The following ALMS1 variants were observed in gnomAD, a reference collection of about 807,000 sequenced individuals.
ALMS1 encodes the protein centrosome-associated protein ALMS1.
A neutral mutation model predicts 352.2 loss-of-function variants in ALMS1; 271 were observed. The ratio of observed to expected loss-of-function variants is 0.77; its 90% CI spans 0.70 to 0.85. The LOEUF (loss-of-function observed/expected upper bound fraction) is 0.85, where lower values mean the gene tolerates loss of function less well. Among genes scored for constraint, ALMS1 ranks in the 40% least tolerant of loss-of-function variants. The pLI is 0.00. For missense variants in ALMS1, 5,445 were observed against 4,870.7 expected, an observed-to-expected ratio of 1.12 and a Z score of -3.51; for synonymous variants, 1,865 against 1,761.2, an observed-to-expected ratio of 1.06 and a Z score of -1.48.
At chr2:73,472,888 T>C (rs928763407) in intron 9 of ALMS1, among the ~76,000 whole-genome samples, 1 of 152,094 alleles carries the variant, frequency 6.6e-6, no homozygotes, top group African/African-American at 2.4e-5. Context: ...GTGGCTTGTC[T>C]GTCATCACGT....
intron 2 of ALMS1, among the ~76,000 whole-genome samples, chr2:73,413,914 T>C (rs1171415685): frequency 6.6e-6 from 1 of 152,190 alleles, no homozygotes; most frequent in East Asian, 1.9e-4. Context: ...CTCATGCCAA[T>C]ATTACACTCT....
intron 1 of ALMS1, 59 bp downstream of exon 1, chr2:73,386,251 C>T: frequency 1.7e-5 from 24 of 1,422,210 alleles, no homozygotes; most frequent in Non-Finnish European, 2.2e-5. Context: ...AGGCTGGGCC[C>T]CGAGCGCTCC....
Position 73,453,148 on chromosome 2 carries a change from T to G in ALMS1, c.6621T>G (p.Asp2207Glu). 1 of 1,614,088 alleles carries G rather than the reference T, an allele frequency of 6.2e-7. No individual in the cohort carries two copies. Among genetic ancestry groups the G allele is most frequent in the South Asian group, 1.1e-5 (1 of 91,074 alleles). The change falls in exon 8 of 23, where the codon GAT becomes GAG. Residue 2207 changes from aspartate (D) to glutamate (E), a missense_variant. Coordinates refer to ENST00000613296, the MANE Select transcript of ALMS1 (RefSeq NM_001378454.1). ...CAGAACATGTCCAAAGGCTAATAGA[T>G]AATTTGAATTCTTCTGACTCCAGTG... The part of the protein sequence containing the change: ...LVSEHVQRLI[D>E]NLNSSDSSVS...
chr2:73,572,877 A>C lies in ALMS1; in HGVS notation c.11000A>C (p.Gln3667Pro). 1 of 1,614,170 alleles carries C rather than the reference A, an allele frequency of 6.2e-7. No homozygotes were observed. The change falls in exon 16 of 23, where the codon CAA (glutamine) becomes CCA (proline). Residue 3667 changes from glutamine (Q) to proline (P), a missense_variant. Gln to Pro is a moderately conservative substitution (Grantham distance 76, BLOSUM62 -1). Transcript: ENST00000613296. ...ERSVKEWSGR[Q>P]QQRNKLQKKK... Reference sequence around the variant, plus strand: ...AGTGTGAAGGAATGGAGTGGTAGACAACAGCAGAGAAATAAGCTTCAGAAA... The same window carrying C: ...AGTGTGAAGGAATGGAGTGGTAGACCACAGCAGAGAAATAAGCTTCAGAAA...
At chr2:73,418,473 T>C (rs777011169) in intron 2 of ALMS1, among the ~76,000 whole-genome samples, 1 of 152,224 alleles carries the variant, frequency 6.6e-6, no homozygotes, top group Non-Finnish European at 1.5e-5. Flanking sequence ...TTGGCCCCTC[T>C]AGCATCGCCG....
At chr2:73,536,744 T>C (rs1674037519) in intron 12 of ALMS1, among the ~76,000 whole-genome samples, 1 of 152,004 alleles carries the variant, frequency 6.6e-6, no homozygotes, top group Non-Finnish European at 1.5e-5. Context: ...ATAATAGAAC[T>C]GATGCAAACA....
chr2:73,576,655 T>G (rs929882919), intron 16 of ALMS1, among the ~76,000 whole-genome samples: 2 of 151,794 alleles, frequency 1.3e-5, no homozygotes, highest in Non-Finnish European at 1.5e-5. Context: ...AGTTTCACTC[T>G]TGTTGCCCAG....
intron 16 of ALMS1, among the ~76,000 whole-genome samples, chr2:73,592,909 G>C (rs1007889632): frequency 6.6e-6 from 1 of 152,188 alleles, no homozygotes; most frequent in Non-Finnish European, 1.5e-5. Context: ...CAACAGGTGA[G>C]TTTGCTCTCA....
intron 16 of ALMS1, among the ~76,000 whole-genome samples, chr2:73,585,726 C>CTT (rs58089734): frequency 1.0e-4 from 12 of 119,536 alleles, no homozygotes; most frequent in Admixed American, 3.5e-4. Flanking sequence ...ACTTCTTGGC[C>CTT]TTTTTTTTTT....
At position 73,542,732 on chromosome 2, in the gene ALMS1, A is replaced by AGC. The variant is rs1674216096; in HGVS notation, c.9908-7534_9908-7533insCG. Among the ~76,000 whole-genome samples the AGC allele has an allele frequency of 2.0e-5, 3 of 152,316 alleles. No individual in the cohort carries two copies. In the East Asian group the frequency reaches 5.8e-4, roughly 29 times the overall value. On this transcript the variant is annotated intron_variant, in intron 12 of 22. Transcript: ENST00000613296. ...CTATACACCAATAGCAGACAAACCG[A>AGC]GAGCCAAATCATGAGTGAACTCCCA... is the stretch of plus-strand genomic sequence containing the variant.
intron 9 of ALMS1, among the ~76,000 whole-genome samples, chr2:73,478,247 T>G (rs1010139692): frequency 5.9e-5 from 9 of 152,192 alleles, no homozygotes; most frequent in African/African-American, 1.2e-4. Flanking sequence ...GTGGTTGGTT[T>G]GTTGTAAAAT....
chr2:73,568,814 G>T (rs936184213), intron 15 of ALMS1, among the ~76,000 whole-genome samples: 1 of 151,868 alleles, frequency 6.6e-6, no homozygotes, highest in East Asian at 1.9e-4. Flanking sequence ...TATATTCGGG[G>T]AGAATTTTGC....
intron 12 of ALMS1, among the ~76,000 whole-genome samples, chr2:73,547,188 G>C (rs1384531675): frequency 6.6e-6 from 1 of 152,134 alleles, no homozygotes; most frequent in Non-Finnish European, 1.5e-5. Context: ...GCTGGGCTAG[G>C]TTATGATGCT....
intron 7 of ALMS1, among the ~76,000 whole-genome samples, chr2:73,443,038 G>A (rs112998659): frequency 8.6e-5 from 13 of 152,004 alleles, no homozygotes; most frequent in African/African-American, 1.7e-4. Context: ...ACTTAATCTC[G>A]TTGATTCTAT....
At chr2:73,495,339 A>G (rs1019616252) in intron 10 of ALMS1, among the ~76,000 whole-genome samples, 3 of 152,084 alleles carry the variant, frequency 2.0e-5, no homozygotes, top group Admixed American at 6.6e-5. Context: ...GGTTCAAGCA[A>G]TTCACCTGCC....
At chr2:73,603,140 G>C in intron 20 of ALMS1, 101 bp from the exon 21 acceptor site, 1 of 1,096,996 alleles carries the variant, frequency 9.1e-7, no homozygotes, top group Non-Finnish European at 1.4e-6. Flanking sequence ...GCCAGCTCAG[G>C]GTAGGGGCAC....
At chr2:73,432,101 A>G in intron 6 of ALMS1, 97 bp from the exon 7 acceptor site, 1 of 901,466 alleles carries the variant, frequency 1.1e-6, no homozygotes, top group South Asian at 1.4e-5. Context: ...TTTGAAATTA[A>G]TATCTTATTT....
intron 16 of ALMS1, among the ~76,000 whole-genome samples, chr2:73,583,254 C>T (rs1377397808): frequency 6.6e-6 from 1 of 151,042 alleles, no homozygotes; most frequent in Non-Finnish European, 1.5e-5. Context: ...TCTCGAGCTC[C>T]TGGGCTCAAG....
intron 12 of ALMS1, among the ~76,000 whole-genome samples, chr2:73,535,877 T>G (rs1183473916): frequency 1.3e-5 from 2 of 152,178 alleles, no homozygotes; most frequent in Non-Finnish European, 2.9e-5. Flanking sequence ...ATTATATATA[T>G]AGAAATTACA....
Sources: allele counts gnomAD v4.1 joint callset (sites outside exome capture counted in the v4.1 genomes callset), GRCh38; gene constraint gnomAD v4.1.1; transcripts MANE v1.5; gene names NCBI Gene and HGNC (gene_info 2026-07-23, HGNC 2026-07-21).